USP34: variants seen among roughly 807,000 people sequenced by gnomAD.
USP34 encodes the protein ubiquitin carboxyl-terminal hydrolase 34.
A neutral mutation model predicts 460.3 loss-of-function variants in USP34; 70 were observed. That is an observed-to-expected ratio of 0.15 (90% CI 0.13 to 0.19). The LOEUF (loss-of-function observed/expected upper bound fraction) is 0.19. Among genes scored for constraint, USP34 ranks in the 10% least tolerant of loss-of-function variants. The pLI, the probability that USP34 is intolerant of heterozygous loss-of-function variation, is 1.00. For missense variants in USP34, 3,985 were observed against 4,236.2 expected (o/e 0.94, Z 1.65); for synonymous variants, 1,647 against 1,405.3 (o/e 1.17, Z -3.85).
chr2:61,311,897 G>A lies in USP34; in HGVS notation c.3556C>T (p.Leu1186=). 6.2e-7 allele frequency: 1 copy of A among 1,613,378 alleles called. No homozygotes were observed. Among genetic ancestry groups the A allele is most frequent in the Non-Finnish European group, 8.5e-7 (1 of 1,179,830 alleles). Residue 1186 remains leucine (L), a synonymous_variant, in exon 26 of 80, where the codon CTG becomes TTG. Transcript: ENST00000398571. Reference sequence around the variant, plus strand: ...GTGCCTTCAATTTGCCACTGTCTCAGATGATATGCAAACCTAAAACATGAC... The same window carrying A: ...GTGCCTTCAATTTGCCACTGTCTCAAATGATATGCAAACCTAAAACATGAC... The part of the protein sequence containing the change: ...EAFRRRFAYH[L]RQWQIEGTGI...
chr2:61,281,534 A>T (rs1689535445), intron 37 of USP34, among the ~76,000 whole-genome samples: 1 of 152,182 alleles, frequency 6.6e-6, no homozygotes, highest in African/African-American at 2.4e-5. Flanking sequence ...TGCTTGAACC[A>T]GGGAGGCAGA....
At chr2:61,440,426 T>C (rs1374238100) in intron 1 of USP34, among the ~76,000 whole-genome samples, 1 of 152,120 alleles carries the variant, frequency 6.6e-6, no homozygotes, top group East Asian at 1.9e-4. Context: ...CGGCTTCCTG[T>C]TCCTCCATGG....
intron 53 of USP34, among the ~76,000 whole-genome samples, chr2:61,239,472 T>C (rs950886721): frequency 1.3e-5 from 2 of 152,178 alleles, no homozygotes; most frequent in African/African-American, 2.4e-5. Flanking sequence ...TGGGTACTTA[T>C]ATAAAGCAAG....
At chr2:61,207,909 T>C (rs975752135) in intron 70 of USP34, 8 of 152,264 alleles carry the variant, frequency 5.3e-5, no homozygotes, top group African/African-American at 1.9e-4. Flanking sequence ...TATTTTTTAT[T>C]ATCATTAACT....
intron 8 of USP34, among the ~76,000 whole-genome samples, 180 bp downstream of exon 8, chr2:61,378,183 G>GA (rs1692851621): frequency 6.6e-6 from 1 of 152,086 alleles, no homozygotes; most frequent in Non-Finnish European, 1.5e-5. Flanking sequence ...AAAAAAAAGA[G>GA]GGAGAGTGAG....
At chr2:61,307,724 C>A (rs1258335264) in intron 27 of USP34, among the ~76,000 whole-genome samples, 1 of 151,958 alleles carries the variant, frequency 6.6e-6, no homozygotes. Flanking sequence ...ACCGAGAGTA[C>A]AAAGCTTTAA....
intron 3 of USP34, 104 bp from the exon 4 acceptor site, chr2:61,395,337 T>G (rs922654357): frequency 1.4e-6 from 1 of 739,822 alleles, no homozygotes; most frequent in Admixed American, 3.0e-5. Flanking sequence ...ATAAACAGAT[T>G]ATTTTGCAAT....
chr2:61,332,963 T>G (rs1691314378), intron 19 of USP34, among the ~76,000 whole-genome samples: 1 of 152,070 alleles, frequency 6.6e-6, no homozygotes, highest in South Asian at 2.1e-4. Context: ...GATACTCCAC[T>G]GTGAAAGCAA....
intron 42 of USP34, 37 bp downstream of exon 42, chr2:61,265,947 A>G (rs756999895): frequency 1.3e-6 from 2 of 1,495,912 alleles, no homozygotes; most frequent in South Asian, 1.4e-5. Flanking sequence ...TCTGAATTCA[A>G]AATCTATAAA....
chr2:61,329,703 T>C (rs568629670), intron 20 of USP34, among the ~76,000 whole-genome samples: 2 of 152,330 alleles, frequency 1.3e-5, no homozygotes, highest in African/African-American at 4.8e-5. Flanking sequence ...GTATATTTCA[T>C]ATGCTATATT....
chr2:61,268,438 T>TAA (rs35618230), intron 41 of USP34, among the ~76,000 whole-genome samples: 985 of 53,428 alleles, frequency 0.018, 22 homozygotes, highest in African/African-American at 0.027. Flanking sequence ...GAGCTGTTGT[T>TAA]AAAAAAAAAA....
chr2:61,276,221 T>G (rs1303513235), intron 41 of USP34, among the ~76,000 whole-genome samples: 5 of 152,342 alleles, frequency 3.3e-5, no homozygotes, highest in African/African-American at 1.2e-4. Flanking sequence ...AAATGATGTA[T>G]CCTTTTGTAT....
At position 61,470,956 on chromosome 2, in the gene USP34, G is replaced by T. The variant is rs929313395; in HGVS notation, c.-264C>A. On this transcript the variant is annotated 5_prime_UTR_variant, in exon 1 of 80. Transcript: ENST00000398571. Reference sequence around the variant, plus strand: ...CGCCGAGGCGCCGGCGGCGGGGAAGGGGGGGAAGGACGGGGGGAGGGGAGA... The same window carrying T: ...CGCCGAGGCGCCGGCGGCGGGGAAGTGGGGGAAGGACGGGGGGAGGGGAGA... 2.4e-3 allele frequency among the ~76,000 whole-genome samples: 324 copies of T among 134,626 alleles called. 1 individual carries two copies. Among genetic ancestry groups the T allele is most frequent in the African/African-American group, 7.8e-3 (294 of 37,578 alleles). 88.3% of individuals were successfully genotyped at this position (134,626 alleles called of 152,430 possible).
chr2:61,321,193 C>T (rs545542664), intron 21 of USP34, among the ~76,000 whole-genome samples: 1 of 152,004 alleles, frequency 6.6e-6, no homozygotes, highest in African/African-American at 2.4e-5. Context: ...AAAAAAATGG[C>T]CAGGCGCAGT....
intron 7 of USP34, among the ~76,000 whole-genome samples, chr2:61,378,912 C>CAAAA (rs1491197501): frequency 3.0e-3 from 26 of 8,630 alleles, no homozygotes; most frequent in Non-Finnish European, 4.6e-3. Flanking sequence ...CTCAAAAAAA[C>CAAAA]GAAAAAAAAA....
intron 16 of USP34, 119 bp downstream of exon 16, chr2:61,343,696 T>C: frequency 9.3e-7 from 1 of 1,075,350 alleles, no homozygotes; most frequent in Non-Finnish European, 1.3e-6. Flanking sequence ...CATATGTAAG[T>C]TATTTTGACA....
In USP34 at chr2:61,325,460, A is replaced by G. The variant is rs201995325; in HGVS notation, c.2931-3T>C. ...GAACTTCAGCACTATGGCTGTACCT[A>G]TAATTTAAAAGTCATTAAAATAATT... On this transcript the variant is annotated splice_polypyrimidine_tract_variant and splice_region_variant and intron_variant, in intron 20 of 79. Transcript: ENST00000398571. 441 of 1,514,014 alleles carry G rather than the reference A, an allele frequency of 2.9e-4. 1 individual carries two copies. Among genetic ancestry groups the G allele is most frequent in the Middle Eastern group, 3.7e-4 (2 of 5,432 alleles). The allele number at this position is 1,514,014 out of a possible 1,614,324, so 93.8% of individuals were successfully genotyped here. A position where few individuals can be genotyped will look rare whatever the true frequency, so the allele number is the denominator to read the frequency against.
intron 1 of USP34, among the ~76,000 whole-genome samples, chr2:61,458,902 C>A (rs1695516051): frequency 6.6e-6 from 1 of 151,694 alleles, no homozygotes; most frequent in African/African-American, 2.4e-5. Flanking sequence ...CCCATTCCTA[C>A]TAAATTTACA....
chr2:61,383,441 ACGC>A (rs1053267211), intron 5 of USP34, 105 bp from the exon 6 acceptor site: 48 of 770,272 alleles, frequency 6.2e-5, no homozygotes, highest in Non-Finnish European at 7.5e-5. Context: ...ACGGTCGCTC[ACGC>A]CTGTAATCCC....
Sources: gnomAD v4.1 joint callset for allele counts (sites outside exome capture counted in the v4.1 genomes callset) on GRCh38, gnomAD v4.1.1 for gene constraint, MANE v1.5 for transcripts, NCBI Gene and HGNC (gene_info 2026-07-23, HGNC 2026-07-21) for gene names.